ITGA9: variants seen among roughly 807,000 people sequenced by gnomAD.
The protein encoded by ITGA9 is integrin alpha-9.
In ITGA9, 56 loss-of-function variants were observed where a neutral mutation model predicts 127.8. That is an observed-to-expected ratio of 0.44 (90% CI 0.35 to 0.55). The LOEUF is 0.55. ITGA9 is among the 20% of genes least tolerant of loss of function. ITGA9 has a pLI of 0.00. For synonymous variants in ITGA9, 508 were observed against 514.5 expected (o/e 0.99, Z 0.17); for missense variants, 1,196 against 1,347.1 (o/e 0.89, Z 1.76).
intron 1 of ITGA9, among the ~76,000 whole-genome samples, chr3:37,453,034 A>G (rs1698214034): frequency 6.6e-6 from 1 of 151,566 alleles, no homozygotes; most frequent in Admixed American, 6.6e-5. Flanking sequence ...TAGCCTCTCC[A>G]GCGCCGCTGC....
intron 11 of ITGA9, among the ~76,000 whole-genome samples, chr3:37,521,099 G>C (rs553114284): frequency 7.2e-5 from 11 of 152,236 alleles, no homozygotes; most frequent in African/African-American, 2.4e-4. Context: ...CTTTGACAAA[G>C]AGAAGTGGTT....
At chr3:37,640,400 A>G (rs1700320850) in intron 16 of ITGA9, among the ~76,000 whole-genome samples, 1 of 152,078 alleles carries the variant, frequency 6.6e-6, no homozygotes, top group Non-Finnish European at 1.5e-5. Context: ...GGGCTGGGAG[A>G]GGCTTCCAGG....
intron 16 of ITGA9, among the ~76,000 whole-genome samples, chr3:37,652,461 T>A (rs1700438668): frequency 6.6e-6 from 1 of 152,190 alleles, no homozygotes; most frequent in African/African-American, 2.4e-5. Context: ...AAGACTTCCA[T>A]GATATTTTCC....
intron 15 of ITGA9, among the ~76,000 whole-genome samples, chr3:37,561,002 T>C (rs1699481963): frequency 6.6e-6 from 1 of 152,146 alleles, no homozygotes; most frequent in African/African-American, 2.4e-5. Context: ...TGTGTCCACA[T>C]TTCCTCCTAT....
chr3:37,596,142 C>T (rs1488313366), intron 15 of ITGA9, among the ~76,000 whole-genome samples: 1 of 152,188 alleles, frequency 6.6e-6, no homozygotes, highest in African/African-American at 2.4e-5. Flanking sequence ...AAACATGTTA[C>T]TATTAAAGTA....
At chr3:37,693,232 G>A (rs1436410228) in intron 18 of ITGA9, among the ~76,000 whole-genome samples, 1 of 152,176 alleles carries the variant, frequency 6.6e-6, no homozygotes, top group Non-Finnish European at 1.5e-5. Context: ...TAGATGGATA[G>A]GCCCTAGGTC....
At position 37,466,483 on chromosome 3, in the gene ITGA9, C is replaced by CAAAAAAAAAAAAAAAAA. The variant is rs60980366; in HGVS notation, c.186-4510_186-4494dup. ...TGGGTAACAGAGCAAGACACCATCT[C>CAAAAAAAAAAAAAAAAA]AAAAAAAAAAAAAAAAAAAAAAAAA... is the stretch of plus-strand genomic sequence containing the variant. On this transcript the variant is annotated intron_variant, in intron 1 of 27. Transcript: ENST00000264741. Among the ~76,000 whole-genome samples, 36 of 26,064 alleles carry CAAAAAAAAAAAAAAAAA rather than the reference C, an allele frequency of 1.4e-3. 10 individuals are homozygous for CAAAAAAAAAAAAAAAAA. The highest frequency in any genetic ancestry group is 1.7e-3 in the Non-Finnish European group (29 of 16,990). The allele number at this position is 26,064 out of a possible 152,430, so 17.1% of individuals were successfully genotyped here. A position where few individuals can be genotyped will look rare whatever the true frequency, so the allele number is the denominator to read the frequency against.
intron 18 of ITGA9, among the ~76,000 whole-genome samples, chr3:37,702,116 G>T (rs1024698983): frequency 6.6e-6 from 1 of 152,150 alleles, no homozygotes; most frequent in African/African-American, 2.4e-5. Flanking sequence ...CACTTAGAAG[G>T]GCTTAGGGTG....
rs182163265 is a variant in ITGA9, at chr3:37,652,326, C to T, written c.1840-1388C>T. 1.6e-4 allele frequency among the ~76,000 whole-genome samples: 25 copies of T among 152,264 alleles called. No homozygotes were observed. The East Asian group carries it at 4.3e-3, about 26-fold the overall frequency. Reference sequence around the variant, plus strand: ...TTCATGCCATCCTTACACCCACTTCCTCCTGTTTTCTTCTTAGTTAAGATG... The same window carrying T: ...TTCATGCCATCCTTACACCCACTTCTTCCTGTTTTCTTCTTAGTTAAGATG... On this transcript the variant is annotated intron_variant, in intron 16 of 27. Transcript: ENST00000264741.
intron 17 of ITGA9, among the ~76,000 whole-genome samples, chr3:37,671,719 G>A (rs1700638599): frequency 6.6e-6 from 1 of 152,080 alleles, no homozygotes; most frequent in Admixed American, 6.5e-5. Flanking sequence ...TTTAATTGAG[G>A]TGCGTTACAG....
chr3:37,480,466 G>T (rs1161070092), intron 3 of ITGA9, among the ~76,000 whole-genome samples: 1 of 152,210 alleles, frequency 6.6e-6, no homozygotes, highest in African/African-American at 2.4e-5. Context: ...TCCTCAGAGA[G>T]GCCTTCCTTG....
At chr3:37,567,053 TTGGGATGTG>T (rs1483584836) in intron 15 of ITGA9, among the ~76,000 whole-genome samples, 8 of 152,170 alleles carry the variant, frequency 5.3e-5, no homozygotes, top group Non-Finnish European at 1.2e-4. Context: ...TAATGAAGAT[TTGGGATGTG>T]TAGTCTGTTT....
chr3:37,576,122 G>C (rs1315723531), intron 15 of ITGA9, among the ~76,000 whole-genome samples: 1 of 152,144 alleles, frequency 6.6e-6, no homozygotes, highest in Non-Finnish European at 1.5e-5. Context: ...GGTCTCCAGA[G>C]ACACAGGGGT....
rs550305152 is a variant in ITGA9 at position 37,483,100 on chromosome 3, C to T, written c.544+1493C>T. Among the ~76,000 whole-genome samples the T allele has an allele frequency of 2.0e-5, 3 of 152,248 alleles. No homozygotes were observed. In the South Asian group the frequency reaches 6.2e-4, roughly 32 times the overall value. ...TCAGGCTGAGAAGGAGCGATGGGCT[C>T]AGCAGGGTGATGGAGGCAGTGATTG... On this transcript the variant is annotated intron_variant, in intron 4 of 27. Transcript: ENST00000264741.
At chr3:37,488,495 G>T (rs114346287) in intron 4 of ITGA9, among the ~76,000 whole-genome samples, 1,528 of 151,950 alleles carry the variant, frequency 0.01, 27 homozygotes, top group African/African-American at 0.035. Context: ...CTCCTTTTTT[G>T]GTAATATTAA....
At position 37,751,413 on chromosome 3, in the gene ITGA9, T is replaced by C. The variant is rs143378914; in HGVS notation, c.2541+844T>C. ...TAAATATTATTAACCATGCTGACCA[T>C]GCCACATTTCCCCAGCATCTAGGAG... is the stretch of plus-strand genomic sequence containing the variant. On this transcript the variant is annotated intron_variant, in intron 23 of 27. Coordinates refer to ENST00000264741, the MANE Select transcript of ITGA9 (RefSeq NM_002207.3). Among the ~76,000 whole-genome samples the C allele has an allele frequency of 3.5e-3, 537 of 152,296 alleles. 5 individuals are homozygous for C. The highest frequency in any genetic ancestry group is 0.012 in the African/African-American group (490 of 41,564).
At chr3:37,789,573 CGTG>C (rs897487056) in intron 26 of ITGA9, among the ~76,000 whole-genome samples, 2 of 147,916 alleles carry the variant, frequency 1.4e-5, no homozygotes, top group Non-Finnish European at 3.0e-5. Flanking sequence ...TCCTGGCTAA[CGTG>C]GTGTAACCCT....
At chr3:37,465,864 G>T (rs1023262208) in intron 1 of ITGA9, among the ~76,000 whole-genome samples, 1 of 152,148 alleles carries the variant, frequency 6.6e-6, no homozygotes, top group African/African-American at 2.4e-5. Flanking sequence ...ACCAGAGGGG[G>T]CACTGGGTAC....
intron 15 of ITGA9, among the ~76,000 whole-genome samples, chr3:37,622,982 CTGTTA>C (rs1486182143): frequency 3.3e-5 from 5 of 152,164 alleles, no homozygotes; most frequent in African/African-American, 1.2e-4. Flanking sequence ...TCCTGTATGT[CTGTTA>C]TGTTTATTTC....
Sources: allele counts gnomAD v4.1 joint callset (sites outside exome capture counted in the v4.1 genomes callset), GRCh38; gene constraint gnomAD v4.1.1; transcripts MANE v1.5; gene names NCBI Gene and HGNC (gene_info 2026-07-23, HGNC 2026-07-21).